Variants in CFAP46 observed in about 807,000 individuals in gnomAD.
CFAP46 encodes cilia and flagella associated protein 46, also known as cilia- and flagella-associated protein 46.
CFAP46 carries 245 observed loss-of-function variants against 325.7 expected under a neutral mutation model. The ratio of observed to expected loss-of-function variants is 0.75; its 90% confidence interval spans 0.68 to 0.84. The LOEUF is 0.84. Ranked by LOEUF, CFAP46 falls within the 40% of genes least tolerant of loss-of-function variation. The pLI, the probability that CFAP46 is intolerant of heterozygous loss-of-function variation, is 0.00. For missense variants in CFAP46, 3,346 were observed against 3,543.0 expected, an observed-to-expected ratio of 0.94 and a Z score of 1.41; for synonymous variants, 1,523 against 1,495.9, an observed-to-expected ratio of 1.02 and a Z score of -0.42.
At chr10:132,838,164 G>A (rs893523226) in intron 44 of CFAP46, among the ~76,000 whole-genome samples, 6 of 152,224 alleles carry the variant, frequency 3.9e-5, no homozygotes, top group Non-Finnish European at 5.9e-5. Flanking sequence ...TACCAGACCC[G>A]GCACGCAGTT....
At chr10:132,909,809 G>T in intron 20 of CFAP46, 110 bp downstream of exon 20, 1 of 1,024,040 alleles carries the variant, frequency 9.8e-7, no homozygotes, top group Non-Finnish European at 1.3e-6. Context: ...CATCCGTGAT[G>T]GCTCCATCTG....
rs1488323098 is a variant in CFAP46, at chr10:132,834,724, T to A, written c.6796A>T (p.Ser2266Cys). The change falls in exon 48 of 58, where the codon AGT becomes TGT. Residue 2266 changes from serine to cysteine, a missense_variant. Physicochemically the swap from Ser to Cys is moderately radical, Grantham distance 112 (BLOSUM62 -1). Transcript: ENST00000368586. ...EEKERPVQRL[S>C]SVLGPLEELL... ...TCCTCCAGGGGCCCCAGGACGCTAC[T>A]GAGCCTCTGCACAGGGCGCTCCTTC... 6.2e-7 allele frequency: 1 copy of A among 1,613,146 alleles called. No individual in the cohort carries two copies. The highest frequency in any genetic ancestry group is 8.5e-7 in the Non-Finnish European group (1 of 1,179,884).
intron 20 of CFAP46, 32 bp from the exon 21 acceptor site, chr10:132,909,276 C>T (rs1428481578): frequency 1.3e-6 from 2 of 1,482,546 alleles, no homozygotes; most frequent in East Asian, 2.5e-5. Flanking sequence ...GTGTATCAGC[C>T]CAAGCGTGCG....
At chr10:132,879,872 G>A (rs1220127337) in intron 28 of CFAP46, among the ~76,000 whole-genome samples, 2 of 152,274 alleles carry the variant, frequency 1.3e-5, no homozygotes, top group African/African-American at 4.8e-5. Context: ...TCCAGCCCCA[G>A]GCCCCCAGAC....
intron 16 of CFAP46, among the ~76,000 whole-genome samples, chr10:132,917,353 T>C (rs1440446418): frequency 6.6e-6 from 1 of 152,200 alleles, no homozygotes; most frequent in Non-Finnish European, 1.5e-5. Context: ...GCCACACTTG[T>C]GTTGGTGCAG....
Position 132,850,339 on chromosome 10 carries a change from C to T in CFAP46, c.5857G>A (p.Ala1953Thr), listed in dbSNP as rs145510653. The change falls in exon 41 of 58, where the codon GCC becomes ACC. Residue 1953 changes from alanine to threonine, a missense_variant. Transcript: ENST00000368586. ...PLSVGCVEIR[A>T]RLLGLAGRAL... ...CTCCCGGCCAGGCCCAGGAGCCGGG[C>T]GCGGATCTCCACACAGCCCACGCTC... is the stretch of plus-strand genomic sequence containing the variant. 1,358 of 1,555,182 alleles carry T rather than the reference C, an allele frequency of 8.7e-4. No homozygotes were observed. The highest frequency in any genetic ancestry group is 1.1e-3 in the Non-Finnish European group (1,277 of 1,149,376).
At chr10:132,873,691 G>T (rs1286472997) in intron 31 of CFAP46, among the ~76,000 whole-genome samples, 4 of 152,114 alleles carry the variant, frequency 2.6e-5, no homozygotes, top group Non-Finnish European at 5.9e-5. Context: ...TCCCCTCAGG[G>T]ATGACAACCA....
At chr10:132,860,749 C>G (rs927535849) in intron 36 of CFAP46, 33 bp downstream of exon 36, 65 of 1,545,790 alleles carry the variant, frequency 4.2e-5, no homozygotes, top group African/African-American at 5.5e-5. Flanking sequence ...GCCCGGCACC[C>G]GACATGCAGC....
rs140602812 is a variant in CFAP46, at chr10:132,914,887, C to T, written c.2121-1629G>A. On this transcript the variant is annotated intron_variant, in intron 17 of 57. Coordinates refer to ENST00000368586, the MANE Select transcript of CFAP46 (RefSeq NM_001200049.3). Reference sequence around the variant, plus strand: ...CCTGGCTTCGCTCCACACTGTGAAGCGCCGCCCTCCCTTCTGCCCAAGTGA... The same window carrying T: ...CCTGGCTTCGCTCCACACTGTGAAGTGCCGCCCTCCCTTCTGCCCAAGTGA... Among the ~76,000 whole-genome samples, 886 of 152,330 alleles carry T rather than the reference C, an allele frequency of 5.8e-3. 12 individuals carry two copies. The highest frequency in any genetic ancestry group is 0.019 in the African/African-American group (771 of 41,578).
At chr10:132,873,913 AAC>A (rs1446486466) in intron 31 of CFAP46, among the ~76,000 whole-genome samples, 2 of 152,162 alleles carry the variant, frequency 1.3e-5, no homozygotes, top group East Asian at 3.9e-4. Context: ...ATCCCAGAAA[AAC>A]ACAACCTATG....
At chr10:132,925,742 C>T (rs1237966310) in intron 10 of CFAP46, among the ~76,000 whole-genome samples, 1 of 152,266 alleles carries the variant, frequency 6.6e-6, no homozygotes, top group Non-Finnish European at 1.5e-5. Context: ...CGGCACCCGC[C>T]GGGCTGTGAC....
intron 45 of CFAP46, among the ~76,000 whole-genome samples, chr10:132,836,440 C>T (rs976063002): frequency 2.0e-5 from 3 of 152,186 alleles, no homozygotes; most frequent in African/African-American, 7.2e-5. Context: ...GGGCACTTGG[C>T]CACGGCCAGT....
At chr10:132,819,357 A>C (rs1484030053) in intron 50 of CFAP46, among the ~76,000 whole-genome samples, 11 of 152,230 alleles carry the variant, frequency 7.2e-5, no homozygotes, top group Non-Finnish European at 1.6e-4. Context: ...CACTATCAAA[A>C]TTCCAATGGC....
intron 50 of CFAP46, among the ~76,000 whole-genome samples, chr10:132,822,002 C>CTG (rs199868664): frequency 1.9e-5 from 2 of 103,042 alleles, no homozygotes. Flanking sequence ...CTTGTGTGTG[C>CTG]TGTGTGTGCT....
chr10:132,822,084 G>A (rs377420913), intron 50 of CFAP46, among the ~76,000 whole-genome samples: 5,118 of 142,916 alleles, frequency 0.036, 240 homozygotes, highest in African/African-American at 0.11. Context: ...TGTGTGCAGT[G>A]ATGTGTGCTG....
chr10:132,833,874 G>A (rs530218984), intron 49 of CFAP46, among the ~76,000 whole-genome samples, 167 bp downstream of exon 49: 14 of 152,302 alleles, frequency 9.2e-5, no homozygotes, highest in South Asian at 2.1e-4. Flanking sequence ...AGAACCTTCC[G>A]GGGACCTCAG....
At chr10:132,822,092 CTG>C (rs756205524) in intron 50 of CFAP46, among the ~76,000 whole-genome samples, 1,350 of 121,570 alleles carry the variant, frequency 0.011, no homozygotes, top group South Asian at 0.034. Flanking sequence ...GTGATGTGTG[CTG>C]TGTGAGTGCT....
intron 44 of CFAP46, among the ~76,000 whole-genome samples, chr10:132,839,887 T>C (rs1039987590): frequency 6.6e-5 from 10 of 152,242 alleles, no homozygotes; most frequent in African/African-American, 2.4e-4. Flanking sequence ...TGGACTTTAT[T>C]TGCAGTATTT....
At position 132,894,486 on chromosome 10, in the gene CFAP46, A is replaced by G. The variant is rs534686835; in HGVS notation, c.3220-2069T>C. On this transcript the variant is annotated intron_variant, in intron 24 of 57. Coordinates refer to ENST00000368586, the MANE Select transcript of CFAP46 (RefSeq NM_001200049.3). ...GGAAATAATAGAGATCAGAGCACAG[A>G]CAAAAATAGATAACAGAAAAACAAT... Among the ~76,000 whole-genome samples the G allele has an allele frequency of 2.6e-5, 4 of 152,346 alleles. No homozygotes were observed. The South Asian group carries it at 8.3e-4, about 32-fold the overall frequency.
Sources: gnomAD v4.1 joint callset for allele counts (sites outside exome capture counted in the v4.1 genomes callset) on GRCh38, gnomAD v4.1.1 for gene constraint, MANE v1.5 for transcripts, NCBI Gene and HGNC (gene_info 2026-07-23, HGNC 2026-07-21) for gene names.